NEGR1: variants seen among roughly 807,000 people sequenced by gnomAD.
The protein encoded by NEGR1 is neuronal growth regulator 1, also known as IgLON family member 4.
Under a neutral mutation model 40.9 loss-of-function variants are expected in NEGR1, and 10 were observed. The ratio of observed to expected loss-of-function variants is 0.24; its 90% CI spans 0.15 to 0.42. The LOEUF (loss-of-function observed/expected upper bound fraction) is 0.42. NEGR1 is among the 10% of genes least tolerant of loss of function. The pLI is 1.00. For synonymous variants in NEGR1, 185 were observed against 166.8 expected (o/e 1.11, Z -0.84); for missense variants, 352 against 438.9 (o/e 0.80, Z 1.77).
At chr1:71,952,978 C>A (rs921976829) in intron 1 of NEGR1, among the ~76,000 whole-genome samples, 5 of 145,596 alleles carry the variant, frequency 3.4e-5, no homozygotes, top group African/African-American at 5.0e-5. Context: ...AAAAAAGGTT[C>A]TTTTCAAAAT....
Position 71,637,906 on chromosome 1 carries a change from T to A in NEGR1, c.668-26760A>T, listed in dbSNP as rs139632515. 5.9e-3 allele frequency among the ~76,000 whole-genome samples: 896 copies of A among 152,122 alleles called. 9 individuals are homozygous for A. Among genetic ancestry groups the A allele is most frequent in the African/African-American group, 0.02 (851 of 41,552 alleles). ...ACCAGCAATGATAATTAATCTATACTAAGCATATACTATTTGCCAAAACAG... is the reference window on the plus strand; with the variant it reads ...ACCAGCAATGATAATTAATCTATACAAAGCATATACTATTTGCCAAAACAG... On this transcript the variant is annotated intron_variant, in intron 4 of 6. Coordinates refer to ENST00000357731, the MANE Select transcript of NEGR1 (RefSeq NM_173808.3).
chr1:72,131,039 G>A (rs1337724626), intron 1 of NEGR1, among the ~76,000 whole-genome samples: 1 of 152,120 alleles, frequency 6.6e-6, no homozygotes, highest in African/African-American at 2.4e-5. Flanking sequence ...TATTGCTCAT[G>A]TTGTAAGGTC....
At chr1:72,104,991 C>T (rs1446499002) in intron 1 of NEGR1, among the ~76,000 whole-genome samples, 2 of 152,110 alleles carry the variant, frequency 1.3e-5, no homozygotes, top group East Asian at 3.9e-4. Context: ...TGGAGCCAGA[C>T]CCCATTCACA....
chr1:71,562,508 A>C (rs1029153367), intron 6 of NEGR1, among the ~76,000 whole-genome samples: 10 of 151,888 alleles, frequency 6.6e-5, no homozygotes, highest in African/African-American at 2.4e-4. Flanking sequence ...CAACTTGAGA[A>C]GCAGGTACTT....
intron 6 of NEGR1, among the ~76,000 whole-genome samples, chr1:71,441,006 G>T (rs1646543412): frequency 6.6e-6 from 1 of 152,160 alleles, no homozygotes; most frequent in Non-Finnish European, 1.5e-5. Flanking sequence ...AATTTATAGG[G>T]TGCTCACACT....
At chr1:71,653,900 C>T (rs1651794288) in intron 4 of NEGR1, among the ~76,000 whole-genome samples, 1 of 152,164 alleles carries the variant, frequency 6.6e-6, no homozygotes, top group Admixed American at 6.5e-5. Context: ...TTTCAAAACC[C>T]ATGGTTTCAG....
At chr1:72,167,348 G>C (rs1044551611) in intron 1 of NEGR1, among the ~76,000 whole-genome samples, 6 of 152,114 alleles carry the variant, frequency 3.9e-5, no homozygotes, top group African/African-American at 1.4e-4. Flanking sequence ...TTATGTATAA[G>C]ATAGAGATTT....
intron 3 of NEGR1, among the ~76,000 whole-genome samples, chr1:71,737,015 A>C (rs1360613833): frequency 1.3e-5 from 2 of 152,178 alleles, no homozygotes. Context: ...GCTTCCTAAA[A>C]TTGTTCTCAA....
chr1:71,409,460 A>T (rs1646301819), intron 6 of NEGR1, among the ~76,000 whole-genome samples: 1 of 152,070 alleles, frequency 6.6e-6, no homozygotes, highest in Non-Finnish European at 1.5e-5. Flanking sequence ...AAGTAGTAAC[A>T]TTAAATGGGT....
At chr1:71,937,945 C>G (rs1397626277) in intron 1 of NEGR1, among the ~76,000 whole-genome samples, 2 of 151,970 alleles carry the variant, frequency 1.3e-5, no homozygotes, top group Non-Finnish European at 2.9e-5. Flanking sequence ...AGCATAAGCA[C>G]TGTTCCTCAA....
At chr1:71,838,721 C>A (rs1400173138) in intron 2 of NEGR1, among the ~76,000 whole-genome samples, 5 of 151,874 alleles carry the variant, frequency 3.3e-5, no homozygotes, top group Non-Finnish European at 7.4e-5. Context: ...TATTTAAATT[C>A]TCAGATGAGA....
chr1:71,636,207 T>C (rs936435326), intron 4 of NEGR1, among the ~76,000 whole-genome samples: 5 of 152,044 alleles, frequency 3.3e-5, no homozygotes, highest in African/African-American at 1.2e-4. Context: ...TTGTTGGCCT[T>C]GCCAAAATGG....
At chr1:72,179,434 T>C (rs896032472) in intron 1 of NEGR1, among the ~76,000 whole-genome samples, 2 of 152,084 alleles carry the variant, frequency 1.3e-5, no homozygotes, top group Non-Finnish European at 2.9e-5. Context: ...TTACATAGTA[T>C]TCTTGTGGCA....
intron 6 of NEGR1, among the ~76,000 whole-genome samples, chr1:71,450,240 C>T (rs1189214012): frequency 6.6e-6 from 1 of 151,938 alleles, no homozygotes; most frequent in African/African-American, 2.4e-5. Flanking sequence ...CCACCCGCCA[C>T]AGCCTCCCAA....
intron 2 of NEGR1, chr1:71,798,284 A>G (rs1201390316): frequency 6.6e-6 from 1 of 152,182 alleles, no homozygotes; most frequent in Non-Finnish European, 1.5e-5. Context: ...AAAAAAATAC[A>G]GAAAAAGTCT....
intron 2 of NEGR1, among the ~76,000 whole-genome samples, chr1:71,836,150 C>T (rs1156755644): frequency 1.3e-5 from 2 of 151,684 alleles, no homozygotes; most frequent in African/African-American, 2.4e-5. Context: ...TAGACAAAAT[C>T]CAGGCATGTT....
intron 2 of NEGR1, among the ~76,000 whole-genome samples, chr1:71,868,154 A>G (rs995397944): frequency 6.6e-6 from 1 of 152,126 alleles, no homozygotes; most frequent in Non-Finnish European, 1.5e-5. Context: ...AGAAATATAA[A>G]TCTCTCCAGC....
chr1:71,533,795 C>G (rs17569091), intron 6 of NEGR1, among the ~76,000 whole-genome samples: 6,205 of 151,540 alleles, frequency 0.041, 187 homozygotes, highest in Non-Finnish European at 0.065. Context: ...ACCAGTGATA[C>G]AAAGACTAAA....
intron 4 of NEGR1, among the ~76,000 whole-genome samples, chr1:71,633,001 A>G (rs1449288050): frequency 6.6e-6 from 1 of 152,088 alleles, no homozygotes; most frequent in African/African-American, 2.4e-5. Context: ...TTAATCAGGT[A>G]TTTTGTTATT....
Sources: allele counts gnomAD v4.1 joint callset (sites outside exome capture counted in the v4.1 genomes callset), GRCh38; gene constraint gnomAD v4.1.1; transcripts MANE v1.5; gene names NCBI Gene and HGNC (gene_info 2026-07-23, HGNC 2026-07-21).